The following HIVEP3 variants were observed in gnomAD, a reference collection of about 807,000 sequenced individuals.
The protein encoded by HIVEP3 is transcription factor HIVEP3.
Under a neutral mutation model 152.8 loss-of-function variants are expected in HIVEP3, and 49 were observed. The observed-to-expected ratio is 0.32, with a 90% CI of 0.26 to 0.41. The LOEUF is 0.41. Among genes scored for constraint, HIVEP3 ranks in the 10% least tolerant of loss-of-function variants. The pLI is 1.00. For synonymous variants in HIVEP3, 1,269 were observed against 1,289.0 expected (o/e 0.98, Z 0.33); for missense variants, 2,790 against 3,103.3 (o/e 0.90, Z 2.40).
chr1:41,581,088 C>A lies in HIVEP3; in HGVS notation c.3710G>T (p.Gly1237Val). The A allele has an allele frequency of 6.4e-7, 1 of 1,559,978 alleles. No individual in the cohort carries two copies. Among genetic ancestry groups the A allele is most frequent in the Non-Finnish European group, 8.7e-7 (1 of 1,152,254 alleles). Residue 1237 changes from glycine to valine, a missense_variant, in exon 4 of 9, where the codon GGG (glycine) becomes GTG (valine). Gly to Val is a moderately radical substitution (Grantham distance 109). Transcript: ENST00000372583. This position sits in a 1 kb window ranked among gnomAD's most constrained non-coding sequence, Gnocchi z 4.5. Reference protein sequence around the residue: ...PYPTSSALSSGFFLPLQSQFA... With the variant: ...PYPTSSALSSVFFLPLQSQFA... ...CTGGGATTGCAGAGGCAGGAAAAAC[C>A]CAGAAGACAGTGCTGAGGAGGTCGG...
intron 1 of HIVEP3, among the ~76,000 whole-genome samples, chr1:41,839,725 C>A (rs1279859692): frequency 6.6e-6 from 1 of 152,210 alleles, no homozygotes; most frequent in African/African-American, 2.4e-5. Context: ...AAGTGAAATG[C>A]AGCCTGGCTG....
At chr1:41,545,137 CCAT>C (rs1643715233) in intron 5 of HIVEP3, among the ~76,000 whole-genome samples, 1 of 139,228 alleles carries the variant, frequency 7.2e-6, no homozygotes, top group African/African-American at 2.8e-5. Flanking sequence ...ACCACTACCA[CCAT>C]CACCACCAAC....
chr1:41,646,836 A>AG (rs939546488), intron 2 of HIVEP3, among the ~76,000 whole-genome samples: 20 of 152,352 alleles, frequency 1.3e-4, no homozygotes, highest in African/African-American at 4.8e-4. Context: ...AGAGGTCTGG[A>AG]GGTCACACAT....
chr1:41,742,409 C>G (rs1047793119), intron 1 of HIVEP3, among the ~76,000 whole-genome samples: 6 of 152,242 alleles, frequency 3.9e-5, no homozygotes, highest in Admixed American at 2.6e-4. Context: ...ACATCACAGG[C>G]AGCTAATAAT....
intron 2 of HIVEP3, among the ~76,000 whole-genome samples, chr1:41,645,493 T>A (rs906600648): frequency 1.3e-5 from 2 of 152,216 alleles, no homozygotes; most frequent in African/African-American, 4.8e-5. Context: ...GTCTCCACAG[T>A]AGGTCCTCCA....
At chr1:41,853,834 G>A (rs1412139873) in intron 1 of HIVEP3, among the ~76,000 whole-genome samples, 3 of 152,132 alleles carry the variant, frequency 2.0e-5, no homozygotes, top group African/African-American at 7.2e-5. Flanking sequence ...AAGCTACCCA[G>A]GGTCTCCACC....
intron 3 of HIVEP3, among the ~76,000 whole-genome samples, chr1:41,610,168 T>TAC (rs889733491): frequency 6.6e-6 from 1 of 152,086 alleles, no homozygotes; most frequent in Non-Finnish European, 1.5e-5. Flanking sequence ...TCTCTCTGTA[T>TAC]ACACACACAC....
intron 1 of HIVEP3, among the ~76,000 whole-genome samples, chr1:42,032,451 C>A (rs1167081900): frequency 6.6e-6 from 1 of 152,232 alleles, no homozygotes; most frequent in African/African-American, 2.4e-5. Context: ...CTTCATTAGG[C>A]AGAGGGTTTC....
chr1:41,782,731 CAAAAA>C (rs10714772), intron 1 of HIVEP3, among the ~76,000 whole-genome samples: 1 of 113,576 alleles, frequency 8.8e-6, no homozygotes. Flanking sequence ...GACTCCATCT[CAAAAA>C]AAAAAAAAAA....
chr1:41,834,357 G>A (rs1390793929), intron 1 of HIVEP3, among the ~76,000 whole-genome samples: 1 of 152,198 alleles, frequency 6.6e-6, no homozygotes, highest in Non-Finnish European at 1.5e-5. Context: ...CTTGGCACTG[G>A]TGCTGTTCTG....
chr1:41,809,908 A>G (rs1650850665), intron 1 of HIVEP3, among the ~76,000 whole-genome samples: 1 of 152,154 alleles, frequency 6.6e-6, no homozygotes, highest in African/African-American at 2.4e-5. Context: ...GAAGCTATAA[A>G]TTACTTTTCA....
intron 1 of HIVEP3, among the ~76,000 whole-genome samples, chr1:41,989,257 G>C (rs969674638): frequency 6.6e-6 from 1 of 152,044 alleles, no homozygotes; most frequent in Non-Finnish European, 1.5e-5. Flanking sequence ...GTGTTAATGG[G>C]TATGTTAATT....
At chr1:41,780,932 C>T (rs1649005157) in intron 1 of HIVEP3, among the ~76,000 whole-genome samples, 1 of 152,208 alleles carries the variant, frequency 6.6e-6, no homozygotes, top group South Asian at 2.1e-4. Context: ...GCTCCACTGA[C>T]ATTTGAATGA....
intron 1 of HIVEP3, among the ~76,000 whole-genome samples, chr1:41,912,890 A>G (rs1310713727): frequency 6.6e-6 from 1 of 152,212 alleles, no homozygotes; most frequent in Non-Finnish European, 1.5e-5. Flanking sequence ...GCAATTTTTT[A>G]GCAAACCCAG....
At chr1:41,914,908 A>T (rs1361030610) in intron 1 of HIVEP3, among the ~76,000 whole-genome samples, 1 of 152,240 alleles carries the variant, frequency 6.6e-6, no homozygotes, top group Non-Finnish European at 1.5e-5. Flanking sequence ...AGACAGGTTG[A>T]GGTTCATGAA....
chr1:41,547,671 G>A (rs1369482869), intron 5 of HIVEP3, among the ~76,000 whole-genome samples: 1 of 152,230 alleles, frequency 6.6e-6, no homozygotes, highest in East Asian at 1.9e-4. Context: ...CAGAGTTATA[G>A]CAATACCAGG....
At chr1:41,970,789 C>T (rs1645224364) in intron 1 of HIVEP3, among the ~76,000 whole-genome samples, 1 of 152,098 alleles carries the variant, frequency 6.6e-6, no homozygotes, top group Non-Finnish European at 1.5e-5. Flanking sequence ...AGAATTTGGA[C>T]ACAGACTTAG....
intron 1 of HIVEP3, among the ~76,000 whole-genome samples, chr1:41,802,550 A>G (rs1416168639): frequency 6.6e-6 from 1 of 152,158 alleles, no homozygotes; most frequent in Non-Finnish European, 1.5e-5. Context: ...TTCATCTTCA[A>G]TAAAAAGGTG....
intron 3 of HIVEP3, among the ~76,000 whole-genome samples, chr1:41,607,509 TCTTA>T (rs1309011448): frequency 2.0e-5 from 3 of 152,022 alleles, no homozygotes; most frequent in African/African-American, 7.3e-5. Flanking sequence ...TGAAAGAACC[TCTTA>T]CTTACTGTTA....
Sources: allele counts gnomAD v4.1 joint callset (sites outside exome capture counted in the v4.1 genomes callset), GRCh38; gene constraint gnomAD v4.1.1; non-coding constraint Gnocchi (gnomAD v3.1); transcripts MANE v1.5; gene names NCBI Gene and HGNC (gene_info 2026-07-23, HGNC 2026-07-21).